Variants in LHFPL6 observed in about 807,000 individuals in gnomAD.
The protein encoded by LHFPL6 is LHFPL tetraspan subfamily member 6 protein.
A neutral mutation model predicts 20.6 loss-of-function variants in LHFPL6; 9 were observed. The observed-to-expected ratio is 0.44, with a 90% CI of 0.26 to 0.76. The LOEUF is 0.76. LHFPL6 is among the 30% of genes least tolerant of loss of function. The probability of loss-of-function intolerance (pLI) is 0.20; values close to 1 mark genes in which losing one functional copy is unlikely to be tolerated. For missense variants in LHFPL6, 218 were observed against 253.5 expected (o/e 0.86, Z 0.95); for synonymous variants, 105 against 98.7 (o/e 1.06, Z -0.38).
At chr13:39,404,514 G>A (rs1445874563) in intron 2 of LHFPL6, among the ~76,000 whole-genome samples, 1 of 152,138 alleles carries the variant, frequency 6.6e-6, no homozygotes, top group African/African-American at 2.4e-5. Flanking sequence ...CCAGGCCACA[G>A]CCTATACAAA....
intron 2 of LHFPL6, among the ~76,000 whole-genome samples, chr13:39,479,202 A>G (rs1162506843): frequency 6.6e-6 from 1 of 152,020 alleles, no homozygotes; most frequent in Admixed American, 6.6e-5. Context: ...TGACTAATAC[A>G]CTAGGTTTTG....
intron 2 of LHFPL6, among the ~76,000 whole-genome samples, chr13:39,506,572 T>C (rs1205930234): frequency 6.6e-6 from 1 of 152,208 alleles, no homozygotes; most frequent in Non-Finnish European, 1.5e-5. Context: ...CATTTTTTGC[T>C]TGTGACCCCT....
chr13:39,489,254 G>C (rs888013110), intron 2 of LHFPL6, among the ~76,000 whole-genome samples: 1 of 152,142 alleles, frequency 6.6e-6, no homozygotes, highest in Non-Finnish European at 1.5e-5. Context: ...TTGAGGAATT[G>C]TTTTGCACAG....
chr13:39,397,055 C>T (rs1254036825), intron 2 of LHFPL6, among the ~76,000 whole-genome samples: 1 of 152,036 alleles, frequency 6.6e-6, no homozygotes, highest in African/African-American at 2.4e-5. Flanking sequence ...GATTGGTGGT[C>T]CTTCCTTATA....
intron 3 of LHFPL6, among the ~76,000 whole-genome samples, chr13:39,367,707 C>A (rs145494202): frequency 7.4e-4 from 112 of 152,284 alleles, no homozygotes; most frequent in Non-Finnish European, 1.3e-3. Context: ...TGAATATTCT[C>A]TCCAGAAAAA....
chr13:39,380,447 C>T (rs185798825), intron 2 of LHFPL6, among the ~76,000 whole-genome samples: 3 of 152,038 alleles, frequency 2.0e-5, no homozygotes, highest in Non-Finnish European at 4.4e-5. Context: ...GTATTTACAG[C>T]CACTCCCCAT....
chr13:39,420,419 G>A (rs1871451779), intron 2 of LHFPL6, among the ~76,000 whole-genome samples: 1 of 152,150 alleles, frequency 6.6e-6, no homozygotes, highest in Admixed American at 6.5e-5. Context: ...TAAAAGAACT[G>A]TTCTAAAAGA....
chr13:39,520,389 T>C (rs1381475422), intron 2 of LHFPL6, among the ~76,000 whole-genome samples: 4 of 152,152 alleles, frequency 2.6e-5, no homozygotes, highest in Non-Finnish European at 5.9e-5. Context: ...CAAGAGTGTG[T>C]CCTAGGAGGA....
At chr13:39,344,080 G>C (rs535954053) in intron 3 of LHFPL6, 26 bp from the exon 4 acceptor site, 1 of 1,574,434 alleles carries the variant, frequency 6.4e-7, no homozygotes, top group Non-Finnish European at 8.7e-7. Context: ...GGGGAAAGAA[G>C]AAAGTCACAG....
intron 2 of LHFPL6, among the ~76,000 whole-genome samples, chr13:39,540,876 C>T (rs1870774995): frequency 6.6e-6 from 1 of 152,088 alleles, no homozygotes; most frequent in Admixed American, 6.5e-5. Flanking sequence ...CATTTAGAAA[C>T]ATTTTTTCTC....
intron 2 of LHFPL6, among the ~76,000 whole-genome samples, chr13:39,581,407 T>C (rs373607584): frequency 7.2e-4 from 109 of 152,192 alleles, no homozygotes; most frequent in African/African-American, 2.3e-3. Context: ...GACAGCCAAA[T>C]TGAATTTTAA....
intron 2 of LHFPL6, among the ~76,000 whole-genome samples, chr13:39,448,020 T>C (rs1023486567): frequency 1.3e-5 from 2 of 152,208 alleles, no homozygotes; most frequent in African/African-American, 2.4e-5. Context: ...ATCTCCTTCA[T>C]TGTAGCCAGG....
intron 2 of LHFPL6, among the ~76,000 whole-genome samples, chr13:39,421,846 G>C (rs1008679229): frequency 1.4e-4 from 21 of 152,156 alleles, no homozygotes; most frequent in African/African-American, 5.1e-4. Context: ...TGACATATTT[G>C]AATTCTGTTC....
intron 2 of LHFPL6, among the ~76,000 whole-genome samples, chr13:39,577,661 T>A (rs943284990): frequency 2.0e-5 from 3 of 152,058 alleles, no homozygotes; most frequent in Admixed American, 2.0e-4. Flanking sequence ...AGACAGAGTC[T>A]CACTCTGTCG....
At chr13:39,443,764 T>TA (rs980064614) in intron 2 of LHFPL6, among the ~76,000 whole-genome samples, 31 of 151,970 alleles carry the variant, frequency 2.0e-4, no homozygotes, top group African/African-American at 7.2e-4. Context: ...GTGAAAGTAA[T>TA]ACGCATTCAA....
At chr13:39,573,429 A>C (rs1286437747) in intron 2 of LHFPL6, among the ~76,000 whole-genome samples, 1 of 152,190 alleles carries the variant, frequency 6.6e-6, no homozygotes, top group Non-Finnish European at 1.5e-5. Context: ...GGAAGATCTT[A>C]ATGAAAATAT....
At chr13:39,596,146 A>G (rs2138553407) in intron 2 of LHFPL6, among the ~76,000 whole-genome samples, 1 of 152,210 alleles carries the variant, frequency 6.6e-6, no homozygotes, top group African/African-American at 2.4e-5. Flanking sequence ...ATATGTATGT[A>G]TCTATATATA....
intron 2 of LHFPL6, among the ~76,000 whole-genome samples, chr13:39,381,826 CAAAAAAAAAA>C (rs10581776): frequency 0.011 from 1,537 of 140,530 alleles, 24 homozygotes; most frequent in African/African-American, 0.039. Flanking sequence ...AATTTATAGA[CAAAAAAAAAA>C]AAAAAAAAAG....
Position 39,343,318 on chromosome 13 carries a change from T to C in LHFPL6, c.*618A>G. The C allele has an allele frequency of 1.3e-5, 3 of 223,514 alleles. No homozygotes were observed. The highest frequency in any genetic ancestry group is 1.1e-4 in the Admixed American group (2 of 17,508). 13.8% of individuals were successfully genotyped at this position (223,514 alleles called of 1,614,324 possible). On this transcript the variant is annotated 3_prime_UTR_variant, in exon 4 of 4. Coordinates refer to ENST00000379589, the MANE Select transcript of LHFPL6 (RefSeq NM_005780.3). ...GCTTAATGTATGTTTTATAAAGTGA[T>C]AATACTGTATTTTAAATGTATATTA... is the stretch of plus-strand genomic sequence containing the variant.
Sources: gnomAD v4.1 joint callset for allele counts (sites outside exome capture counted in the v4.1 genomes callset) on GRCh38, gnomAD v4.1.1 for gene constraint, MANE v1.5 for transcripts, NCBI Gene and HGNC (gene_info 2026-07-23, HGNC 2026-07-21) for gene names.